Variants in VPS53 observed in about 807,000 individuals in gnomAD.
VPS53 encodes the protein vacuolar protein sorting-associated protein 53 homolog.
Under a neutral mutation model 107.0 loss-of-function variants are expected in VPS53, and 70 were observed. The observed-to-expected ratio is 0.65, with a 90% CI of 0.54 to 0.80. The LOEUF is 0.80. VPS53 is among the 30% of genes least tolerant of loss of function. VPS53 has a pLI of 0.00. For missense variants in VPS53, 917 were observed against 1,049.4 expected (o/e 0.87, Z 1.74); for synonymous variants, 409 against 393.3 (o/e 1.04, Z -0.47).
chr17:555,016 C>T (rs1429016708), intron 15 of VPS53, among the ~76,000 whole-genome samples: 1 of 152,188 alleles, frequency 6.6e-6, no homozygotes, highest in Non-Finnish European at 1.5e-5. Flanking sequence ...CAGATCAATA[C>T]TGTTCTCATA....
chr17:529,169 A>T (rs1222983394), intron 19 of VPS53, among the ~76,000 whole-genome samples: 1 of 152,164 alleles, frequency 6.6e-6, no homozygotes, highest in Non-Finnish European at 1.5e-5. Context: ...CTTTGGTCAT[A>T]AATCAAGTAT....
chr17:681,214 G>A lies in VPS53; in HGVS notation c.285+16204C>T, dbSNP rs554787941. On this transcript the variant is annotated intron_variant, in intron 4 of 21. Transcript: ENST00000437048. ...TGCAGTGGTGCAATTTCGGCTCACC[G>A]CAACCTCAGCCTCCTGGGTTCAAGT... 9.0e-4 allele frequency among the ~76,000 whole-genome samples: 137 copies of A among 152,258 alleles called. 1 individual carries two copies. Among genetic ancestry groups the A allele is most frequent in the African/African-American group, 3.2e-3 (131 of 41,548 alleles).
At chr17:685,471 A>G (rs1567738413) in intron 4 of VPS53, among the ~76,000 whole-genome samples, 1 of 152,164 alleles carries the variant, frequency 6.6e-6, no homozygotes, top group Non-Finnish European at 1.5e-5. Context: ...AACAGATCAC[A>G]TGAGCTATTC....
chr17:617,776 C>A (rs8068448), intron 11 of VPS53, among the ~76,000 whole-genome samples: 5 of 95,360 alleles, frequency 5.2e-5, no homozygotes, highest in South Asian at 3.9e-4. Flanking sequence ...TAATATTTCC[C>A]GGGTAGCTGG....
chr17:671,531 G>A (rs1484349637), intron 4 of VPS53, among the ~76,000 whole-genome samples: 1 of 152,076 alleles, frequency 6.6e-6, no homozygotes, highest in African/African-American at 2.4e-5. Context: ...TTTCCAGAAT[G>A]CAAATTCTAT....
chr17:528,723 C>T (rs1055083230), intron 19 of VPS53, among the ~76,000 whole-genome samples: 21 of 151,624 alleles, frequency 1.4e-4, no homozygotes, highest in African/African-American at 2.7e-4. Flanking sequence ...CTCAGCTTCC[C>T]GAGTAGCTGG....
intron 17 of VPS53, among the ~76,000 whole-genome samples, chr17:544,533 C>T (rs1911035024): frequency 6.6e-6 from 1 of 152,134 alleles, no homozygotes; most frequent in Non-Finnish European, 1.5e-5. Context: ...ACTGTGGTGG[C>T]GTGATCACAG....
At chr17:576,778 C>G (rs982647565) in intron 13 of VPS53, among the ~76,000 whole-genome samples, 1 of 150,452 alleles carries the variant, frequency 6.6e-6, no homozygotes. Flanking sequence ...CCCTCAGAAC[C>G]TCAGTGCATT....
At position 547,093 on chromosome 17, in the gene VPS53, T is replaced by A. The variant is rs545006030; in HGVS notation, c.1866+4779A>T. 9.2e-5 allele frequency among the ~76,000 whole-genome samples: 14 copies of A among 152,206 alleles called. No homozygotes were observed. In the East Asian group the frequency reaches 2.7e-3, roughly 29 times the overall value. ...GGTTTCGCCATGTTGGCCAGGCTGG[T>A]CTTGAACTCCTGACCTCAGGTGATC... On this transcript the variant is annotated intron_variant, in intron 17 of 21. Transcript: ENST00000437048.
At chr17:565,385 A>G (rs1234978364) in intron 13 of VPS53, among the ~76,000 whole-genome samples, 2 of 143,714 alleles carry the variant, frequency 1.4e-5, no homozygotes, top group Non-Finnish European at 3.0e-5. Context: ...CCTGGGCAAC[A>G]AGAGCGAAAC....
intron 12 of VPS53, among the ~76,000 whole-genome samples, chr17:601,518 G>C (rs1368670204): frequency 6.6e-6 from 1 of 152,220 alleles, no homozygotes; most frequent in Non-Finnish European, 1.5e-5. Context: ...TGCTGAATGA[G>C]GCAGAGCAGA....
intron 2 of VPS53, among the ~76,000 whole-genome samples, chr17:704,222 T>C (rs1046316646): frequency 2.6e-5 from 4 of 152,256 alleles, no homozygotes; most frequent in African/African-American, 9.6e-5. Context: ...GGCTACTATT[T>C]AAACCCCACA....
intron 2 of VPS53, among the ~76,000 whole-genome samples, chr17:699,817 T>C (rs1320153190): frequency 6.6e-6 from 1 of 152,160 alleles, no homozygotes; most frequent in Non-Finnish European, 1.5e-5. Context: ...ACACCATGGA[T>C]AAACATTTTA....
At chr17:657,109 G>A in intron 5 of VPS53, 1 of 1,103,484 alleles carries the variant, frequency 9.1e-7, no homozygotes, top group Non-Finnish European at 1.4e-6. Context: ...CAATCTGAAT[G>A]GTGTCATTCA....
rs370525810 is a variant in VPS53 at position 537,156 on chromosome 17, C to A, written c.1887G>T (p.Glu629Asp). ...AMSKMQWQNV[E>D]HVGDQSPYVT... ...CGTAGGGGCTCTGGTCACCAACGTG[C>A]TCCACGTTCTGCCACTGCATCTGAA... Residue 629 changes from glutamate to aspartate, a missense_variant, in exon 18 of 22, where the codon GAG becomes GAT. Glu to Asp is a conservative substitution (Grantham distance 45). Coordinates refer to ENST00000437048, the MANE Select transcript of VPS53 (RefSeq NM_001128159.3). 1.9e-6 allele frequency: 3 copies of A among 1,613,958 alleles called. No individual in the cohort carries two copies. The African/African-American group carries it at 4.0e-5, about 22-fold the overall frequency.
chr17:516,780 T>G lies in VPS53; in HGVS notation c.*2348A>C, dbSNP rs1289308681. The G allele has an allele frequency of 2.0e-5, 3 of 152,270 alleles. No individual in the cohort carries two copies. Among genetic ancestry groups the G allele is most frequent in the Non-Finnish European group, 4.4e-5 (3 of 68,066 alleles). 9.4% of individuals were successfully genotyped at this position (152,270 alleles called of 1,614,324 possible). A position where few individuals can be genotyped will look rare whatever the true frequency, so the allele number is the denominator to read the frequency against. On this transcript the variant is annotated 3_prime_UTR_variant, in exon 22 of 22. Transcript: ENST00000437048. ...GGAGACATTTAACAGAAACTCCTAC[T>G]GACATCCATTGGTTCCTTGGGGATT...
chr17:629,842 C>CA (rs1192513323), intron 8 of VPS53, among the ~76,000 whole-genome samples: 1 of 134,446 alleles, frequency 7.4e-6, no homozygotes, highest in Non-Finnish European at 1.7e-5. Flanking sequence ...CACACACACA[C>CA]ACACGAAGTC....
intron 7 of VPS53, among the ~76,000 whole-genome samples, chr17:641,858 G>A (rs1361050543): frequency 8.5e-5 from 13 of 152,150 alleles, no homozygotes; most frequent in Non-Finnish European, 2.9e-5. Flanking sequence ...TTGCATGGTG[G>A]CAACCCCAAA....
intron 13 of VPS53, among the ~76,000 whole-genome samples, chr17:584,439 G>A (rs1283528152): frequency 6.6e-6 from 1 of 152,216 alleles, no homozygotes; most frequent in Non-Finnish European, 1.5e-5. Context: ...AACAGGGTGG[G>A]AGGGAAGAAA....
Sources: gnomAD v4.1 joint callset for allele counts (sites outside exome capture counted in the v4.1 genomes callset) on GRCh38, gnomAD v4.1.1 for gene constraint, MANE v1.5 for transcripts, NCBI Gene and HGNC (gene_info 2026-07-23, HGNC 2026-07-21) for gene names.